Variants in CSTPP1 observed in about 807,000 individuals in gnomAD.
CSTPP1 encodes centriolar satellite-associated tubulin polyglutamylase complex regulator 1.
the CSTPP1 span, among the ~76,000 whole-genome samples, chr11:46,966,622 A>G: frequency 6.6e-6 from 1 of 152,230 alleles, no homozygotes; most frequent in African/African-American, 2.4e-5. Flanking sequence ...TTATAAAAAA[A>G]AAACAGCTAG....
the CSTPP1 span, among the ~76,000 whole-genome samples, chr11:46,994,156 A>C: frequency 6.6e-6 from 1 of 152,232 alleles, no homozygotes; most frequent in Non-Finnish European, 1.5e-5. Context: ...GAAGTTGCTT[A>C]TCAGCTTAAG....
chr11:47,160,759 T>C, the CSTPP1 span: 2 of 198,268 alleles, frequency 1.0e-5, no homozygotes, highest in African/African-American at 4.7e-5. Flanking sequence ...AGGTAATGTC[T>C]GACCTTTGGG....
At chr11:46,961,398 T>C in the CSTPP1 span, among the ~76,000 whole-genome samples, 1 of 152,228 alleles carries the variant, frequency 6.6e-6, no homozygotes, top group African/African-American at 2.4e-5. Flanking sequence ...CTTTTGCCTC[T>C]TTTTAATTGG....
chr11:46,961,482 C>T, the CSTPP1 span, among the ~76,000 whole-genome samples: 11 of 151,954 alleles, frequency 7.2e-5, no homozygotes. Flanking sequence ...GATACTAGAC[C>T]CTTATAGATA....
the CSTPP1 span, among the ~76,000 whole-genome samples, chr11:46,940,319 A>G: frequency 6.6e-6 from 1 of 152,224 alleles, no homozygotes; most frequent in Non-Finnish European, 1.5e-5. Context: ...AGAATGCTGC[A>G]ATGAATAACC....
the CSTPP1 span, among the ~76,000 whole-genome samples, chr11:47,112,820 C>T: frequency 3.9e-5 from 6 of 152,052 alleles, no homozygotes; most frequent in Admixed American, 3.9e-4. Context: ...GTAGGTTCTT[C>T]TGTTATCCCC....
chr11:47,042,142 C>T, the CSTPP1 span, among the ~76,000 whole-genome samples: 1 of 71,984 alleles, frequency 1.4e-5, no homozygotes, highest in East Asian at 3.2e-4. Flanking sequence ...TTCAAGGCTA[C>T]AGTGAGCTAT....
At chr11:46,944,235 T>C in the CSTPP1 span, among the ~76,000 whole-genome samples, 1 of 149,980 alleles carries the variant, frequency 6.7e-6, no homozygotes, top group Non-Finnish European at 1.5e-5. Flanking sequence ...CGAGAATTGC[T>C]TGAACCCGGG....
the CSTPP1 span, among the ~76,000 whole-genome samples, chr11:47,069,525 C>G: frequency 6.6e-6 from 1 of 152,028 alleles, no homozygotes; most frequent in Non-Finnish European, 1.5e-5. Context: ...TTTTACCTAT[C>G]TTCAAGAGAA....
chr11:47,100,299 T>G, the CSTPP1 span, among the ~76,000 whole-genome samples: 2 of 152,238 alleles, frequency 1.3e-5, no homozygotes, highest in Non-Finnish European at 2.9e-5. Flanking sequence ...CTAGTTGAGC[T>G]AAATGTATAT....
At chr11:46,974,897 C>T in the CSTPP1 span, among the ~76,000 whole-genome samples, 2 of 138,090 alleles carry the variant, frequency 1.4e-5, no homozygotes, top group Admixed American at 7.0e-5. Context: ...CACACACACA[C>T]ACACACAATA....
chr11:47,148,312 G>A, the CSTPP1 span, among the ~76,000 whole-genome samples: 1 of 151,966 alleles, frequency 6.6e-6, no homozygotes, highest in Non-Finnish European at 1.5e-5. Context: ...CTTGACCTGG[G>A]GACACCCTTC....
chr11:47,085,721 C>A, the CSTPP1 span, among the ~76,000 whole-genome samples: 3 of 151,834 alleles, frequency 2.0e-5, no homozygotes, highest in African/African-American at 7.3e-5. Context: ...GAAACCCCGT[C>A]TCTACTAAAA....
the CSTPP1 span, among the ~76,000 whole-genome samples, chr11:46,966,642 C>T: frequency 6.6e-6 from 1 of 152,086 alleles, no homozygotes; most frequent in East Asian, 1.9e-4. Flanking sequence ...GTTGAGCTTG[C>T]ATGTCAAATA....
At chr11:47,098,748 C>A in the CSTPP1 span, among the ~76,000 whole-genome samples, 36,681 of 151,880 alleles carry the variant, frequency 0.24, 5,166 homozygotes, top group East Asian at 0.65. Context: ...GTGCTCTGCC[C>A]GCCTCAGCTT....
At chr11:47,041,877 C>G in the CSTPP1 span, 6 of 343,230 alleles carry the variant, frequency 1.7e-5, 2 homozygotes, top group Non-Finnish European at 3.6e-5. Context: ...CACCTTTGCG[C>G]CAGCAAGGAT....
At chr11:47,125,944 G>A in the CSTPP1 span, among the ~76,000 whole-genome samples, 1 of 151,892 alleles carries the variant, frequency 6.6e-6, no homozygotes, top group African/African-American at 2.4e-5. Flanking sequence ...TTGAACCCAG[G>A]AGGCAGAGGT....
chr11:47,037,178 C>A, the CSTPP1 span, among the ~76,000 whole-genome samples: 1 of 125,042 alleles, frequency 8.0e-6, no homozygotes. Flanking sequence ...ATCATTTGAA[C>A]ATAAAAATAT....
At chr11:47,112,425 G>A in the CSTPP1 span, among the ~76,000 whole-genome samples, 17 of 151,986 alleles carry the variant, frequency 1.1e-4, no homozygotes, top group Non-Finnish European at 2.2e-4. Flanking sequence ...GGGTTCAAGC[G>A]ATTCTCCTGC....
Sources: gnomAD v4.1 joint callset for allele counts (sites outside exome capture counted in the v4.1 genomes callset) on GRCh38, gnomAD v4.1.1 for gene constraint, MANE v1.5 for transcripts, NCBI Gene and HGNC (gene_info 2026-07-23, HGNC 2026-07-21) for gene names.